Variants in PAX1 observed in about 807,000 individuals in gnomAD.
PAX1 encodes the protein paired box 1.
PAX1 carries 18 observed loss-of-function variants against 35.6 expected under a neutral mutation model. That is an observed-to-expected ratio of 0.50 (90% CI 0.35 to 0.75). PAX1 has a LOEUF of 0.75. Ranked by LOEUF, PAX1 falls within the 30% of genes least tolerant of loss-of-function variation. The pLI, the probability that PAX1 is intolerant of heterozygous loss-of-function variation, is 0.01. For synonymous variants in PAX1, 397 were observed against 305.2 expected (o/e 1.30, Z -3.14); for missense variants, 760 against 661.5 (o/e 1.15, Z -1.63).
chr20:21,706,743 G>C lies in PAX1; in HGVS notation c.592G>C (p.Asp198His). The C allele has an allele frequency of 6.2e-7, 1 of 1,613,524 alleles. No individual in the cohort carries two copies. Among genetic ancestry groups the C allele is most frequent in the Non-Finnish European group, 8.5e-7 (1 of 1,180,038 alleles). The change falls in exon 2 of 5, where the codon GAC (aspartate) becomes CAC (histidine). Residue 198 changes from aspartate (D) to histidine (H), a missense_variant. By Grantham distance (81) the Asp-to-His change is moderately conservative (BLOSUM62 -1). Coordinates refer to ENST00000613128, the MANE Select transcript of PAX1 (RefSeq NM_001257096.2). The surrounding 1 kb of genome is among the most constrained non-coding windows in gnomAD (Gnocchi z 5.3). The part of the protein sequence containing the change: ...DPGIFAWEIR[D>H]RLLADGVCDK... The stretch of plus-strand genomic sequence containing the variant: ...TGGCATCTTTGCCTGGGAGATCCGC[G>C]ACCGGCTGCTGGCCGACGGCGTCTG...
At chr20:21,714,192 G>C (rs1985288802) in intron 4 of PAX1, among the ~76,000 whole-genome samples, 1 of 152,208 alleles carries the variant, frequency 6.6e-6, no homozygotes, top group Non-Finnish European at 1.5e-5. Flanking sequence ...ACGGCAACGG[G>C]AATTGCACCT....
intron 4 of PAX1, among the ~76,000 whole-genome samples, chr20:21,714,102 G>C (rs1249556242): frequency 6.6e-6 from 1 of 152,244 alleles, no homozygotes. Context: ...CCCTTCTGCG[G>C]AAGTCGCCAT....
rs1029917846 is a variant in PAX1, at chr20:21,714,379, C to A, written c.1283-92C>A. On this transcript the variant is annotated intron_variant, in intron 4 of 4. Transcript: ENST00000613128. ...AGAGCCTTCAAGGGTTGAGCGCTCACGACCTCGCTCTGCAGGCGTCCTGAG... is the reference window on the plus strand; with the variant it reads ...AGAGCCTTCAAGGGTTGAGCGCTCAAGACCTCGCTCTGCAGGCGTCCTGAG... 1.1e-5 allele frequency: 10 copies of A among 927,064 alleles called. No individual in the cohort carries two copies. In the African/African-American group the frequency reaches 1.5e-4, roughly 14 times the overall value. The allele number at this position is 927,064 out of a possible 1,614,324, so 57.4% of individuals were successfully genotyped here. A position where few individuals can be genotyped will look rare whatever the true frequency, so the allele number is the denominator to read the frequency against.
rs1985370744 is a variant in PAX1 at position 21,716,315 on chromosome 20, T to G, written c.*1753T>G. On this transcript the variant is annotated 3_prime_UTR_variant, in exon 5 of 5. Transcript: ENST00000613128. Reference sequence around the variant, plus strand: ...ACCTTCTAAAACTGATGGAAGAGATTTTTGAATTGAAGTTGCTGTTTGTGA... The same window carrying G: ...ACCTTCTAAAACTGATGGAAGAGATGTTTGAATTGAAGTTGCTGTTTGTGA... 2.0e-5 allele frequency: 3 copies of G among 152,196 alleles called. No individual in the cohort carries two copies. In the South Asian group the frequency reaches 6.2e-4, roughly 32 times the overall value. 9.4% of individuals were successfully genotyped at this position (152,196 alleles called of 1,614,324 possible).
intron 4 of PAX1, among the ~76,000 whole-genome samples, chr20:21,712,551 C>T (rs1036970945): frequency 1.3e-5 from 2 of 152,210 alleles, no homozygotes; most frequent in African/African-American, 4.8e-5. Flanking sequence ...AGGATGTTTT[C>T]AGAGACCCTC....
In PAX1 at chr20:21,716,679, C is replaced by T. The variant is rs368724605; in HGVS notation, c.*2117C>T. The stretch of plus-strand genomic sequence containing the variant: ...CAGGATTGAGACTTGGACTTTGAGA[C>T]TGAAGTCCTCAGCCTTCCATGGCAG... On this transcript the variant is annotated 3_prime_UTR_variant, in exon 5 of 5. Transcript: ENST00000613128. The T allele has an allele frequency of 6.6e-6, 1 of 152,118 alleles. No homozygotes were observed. The highest frequency in any genetic ancestry group is 2.4e-5 in the African/African-American group (1 of 41,416). 9.4% of individuals were successfully genotyped at this position (152,118 alleles called of 1,614,324 possible).
At chr20:21,713,000 A>C (rs1600328998) in intron 4 of PAX1, among the ~76,000 whole-genome samples, 3 of 152,228 alleles carry the variant, frequency 2.0e-5, no homozygotes, top group East Asian at 3.9e-4. Context: ...TGTCCTATGG[A>C]GGGAATGGAG....
chr20:21,714,258 C>T lies in PAX1; in HGVS notation c.1283-213C>T, dbSNP rs554520999. ...GCGAGGAGTCCCGCTTGCCAAGGCT[C>T]TCCTTGCAAGTGGCTCTCCTAGCGG... On this transcript the variant is annotated intron_variant, in intron 4 of 4. Transcript: ENST00000613128. 5.3e-5 allele frequency among the ~76,000 whole-genome samples: 8 copies of T among 152,306 alleles called. No individual in the cohort carries two copies. In the East Asian group the frequency reaches 1.6e-3, roughly 30 times the overall value.
intron 2 of PAX1, 151 bp from the exon 3 acceptor site, chr20:21,708,407 A>T: frequency 1.1e-6 from 1 of 887,442 alleles, no homozygotes; most frequent in East Asian, 2.4e-5. Context: ...TGAACATTCC[A>T]GTCCCTGCCG....
In PAX1 at chr20:21,709,231, A is replaced by G. The variant is rs1437913890; in HGVS notation, c.1069A>G (p.Thr357Ala). ...ADIKYTQSAS[T>A]LSAVGGFLPA... ...CTCTCTATCCCCACAGTCGGCCTCCACCCTCTCTGCCGTGGGCGGCTTTCT... is the reference window on the plus strand; with the variant it reads ...CTCTCTATCCCCACAGTCGGCCTCCGCCCTCTCTGCCGTGGGCGGCTTTCT... The change falls in exon 4 of 5, where the codon ACC becomes GCC. Residue 357 changes from threonine (T) to alanine (A), a missense_variant. Physicochemically the swap from Thr to Ala is moderately conservative, Grantham distance 58. Transcript: ENST00000613128. The G allele has an allele frequency of 6.2e-7, 1 of 1,605,536 alleles. No homozygotes were observed. The highest frequency in any genetic ancestry group is 8.5e-7 in the Non-Finnish European group (1 of 1,179,236).
At chr20:21,709,753 C>A (rs1200340828) in intron 4 of PAX1, among the ~76,000 whole-genome samples, 3 of 152,008 alleles carry the variant, frequency 2.0e-5, no homozygotes, top group Non-Finnish European at 2.9e-5. Context: ...GGTTCTGGCA[C>A]CTTCGACCAA....
intron 3 of PAX1, 150 bp from the exon 4 acceptor site, chr20:21,709,072 G>A (rs1211928619): frequency 5.4e-6 from 4 of 746,554 alleles, no homozygotes; most frequent in South Asian, 1.5e-5. Context: ...GTCCTGACTA[G>A]GAAATTTAGA....
intron 4 of PAX1, 48 bp from the exon 5 acceptor site, chr20:21,714,423 T>G (rs1465797465): frequency 1.4e-6 from 2 of 1,423,926 alleles, no homozygotes; most frequent in South Asian, 1.3e-5. Context: ...CCTCTCGCAC[T>G]GCGCGGCGCT....
At chr20:21,713,243 A>G (rs2122146785) in intron 4 of PAX1, among the ~76,000 whole-genome samples, 1 of 152,346 alleles carries the variant, frequency 6.6e-6, no homozygotes, top group South Asian at 2.1e-4. Flanking sequence ...AAAGGTCTGA[A>G]TACTTGTTGG....
chr20:21,713,791 G>T (rs377253392), intron 4 of PAX1, among the ~76,000 whole-genome samples: 2 of 152,226 alleles, frequency 1.3e-5, no homozygotes, highest in African/African-American at 4.8e-5. Flanking sequence ...CACTTAATCC[G>T]GAGGCCCACA....
Position 21,716,203 on chromosome 20 carries a change from A to C in PAX1, c.*1641A>C, listed in dbSNP as rs1985365770. The C allele has an allele frequency of 6.6e-6, 1 of 152,242 alleles. No homozygotes were observed. Among genetic ancestry groups the C allele is most frequent in the Admixed American group, 6.5e-5 (1 of 15,278 alleles). The allele number at this position is 152,242 out of a possible 1,614,324, so 9.4% of individuals were successfully genotyped here. A position where few individuals can be genotyped will look rare whatever the true frequency, so the allele number is the denominator to read the frequency against. On this transcript the variant is annotated 3_prime_UTR_variant, in exon 5 of 5. Transcript: ENST00000613128. ...TTTCTAGTATTCTAAAAGCTAAAGAAGACAATCCCAGGCTACCAAGTAATC... is the reference window on the plus strand; with the variant it reads ...TTTCTAGTATTCTAAAAGCTAAAGACGACAATCCCAGGCTACCAAGTAATC...
chr20:21,709,454 G>T lies in PAX1; in HGVS notation c.1282+10G>T, dbSNP rs1250486246. Reference sequence around the variant, plus strand: ...CATCCCAGCCGAGAAGGTGAGGAGCGCAGGGAGTGGGGCGGGTGGATGCTG... The same window carrying T: ...CATCCCAGCCGAGAAGGTGAGGAGCTCAGGGAGTGGGGCGGGTGGATGCTG... On this transcript the variant is annotated intron_variant, in intron 4 of 4. Transcript: ENST00000613128. The T allele has an allele frequency of 3.3e-6, 5 of 1,510,840 alleles. No homozygotes were observed. Among genetic ancestry groups the T allele is most frequent in the Admixed American group, 4.2e-5 (2 of 47,896 alleles). The allele number at this position is 1,510,840 out of a possible 1,614,324, so 93.6% of individuals were successfully genotyped here. A position where few individuals can be genotyped will look rare whatever the true frequency, so the allele number is the denominator to read the frequency against.
chr20:21,714,318 G>C (rs1302002295), intron 4 of PAX1, among the ~76,000 whole-genome samples, 153 bp from the exon 5 acceptor site: 1 of 152,182 alleles, frequency 6.6e-6, no homozygotes, highest in Non-Finnish European at 1.5e-5. Flanking sequence ...GAAGCTTGGG[G>C]TCTCTGGAGA....
At position 21,706,646 on chromosome 20, in the gene PAX1, C is replaced by A. The variant is rs751100994; in HGVS notation, c.495C>A (p.Ile165=). 40 of 1,612,064 alleles carry A rather than the reference C, an allele frequency of 2.5e-5. No homozygotes were observed. The highest frequency in any genetic ancestry group is 3.2e-5 in the Non-Finnish European group (38 of 1,180,032). Residue 165 remains isoleucine, a synonymous_variant, in exon 2 of 5, where the codon ATC becomes ATA. Transcript: ENST00000613128. The surrounding 1 kb of genome is among the most constrained non-coding windows in gnomAD (Gnocchi z 5.3). ...NETGSILPGA[I]GGSKPRVTTP... ...CCGGCTCCATTCTGCCCGGGGCCAT[C>A]GGGGGGAGCAAGCCCCGCGTCACCA...
Sources: gnomAD v4.1 joint callset for allele counts (sites outside exome capture counted in the v4.1 genomes callset) on GRCh38, gnomAD v4.1.1 for gene constraint, Gnocchi (gnomAD v3.1) non-coding constraint, MANE v1.5 for transcripts, NCBI Gene and HGNC (gene_info 2026-07-23, HGNC 2026-07-21) for gene names.